ROBO1: variants seen among roughly 807,000 people sequenced by gnomAD.
ROBO1 encodes the protein roundabout homolog 1.
In ROBO1, 149 loss-of-function variants were observed where a neutral mutation model predicts 195.9. The observed-to-expected ratio is 0.76, with a 90% CI of 0.67 to 0.87. The LOEUF (loss-of-function observed/expected upper bound fraction) is 0.87. Among genes scored for constraint, ROBO1 ranks in the 40% least tolerant of loss-of-function variants. The pLI, the probability that ROBO1 is intolerant of heterozygous loss-of-function variation, is 0.00. For missense variants in ROBO1, 1,933 were observed against 2,068.3 expected (o/e 0.93, Z 1.27); for synonymous variants, 816 against 733.2 (o/e 1.11, Z -1.82).
At chr3:78,667,734 G>T in intron 14 of ROBO1, 149 bp downstream of exon 14, 2 of 673,046 alleles carry the variant, frequency 3.0e-6, no homozygotes, top group Non-Finnish European at 2.4e-6. Flanking sequence ...CATTGTGTTT[G>T]TATATTAAAA....
chr3:79,663,561 A>C (rs1946391594), intron 1 of ROBO1, among the ~76,000 whole-genome samples: 1 of 151,998 alleles, frequency 6.6e-6, no homozygotes, highest in Admixed American at 6.6e-5. Context: ...TAGGTTGCCC[A>C]GGCTGGTCTC....
intron 1 of ROBO1, among the ~76,000 whole-genome samples, chr3:79,606,209 A>G (rs1206050717): frequency 6.6e-6 from 1 of 151,918 alleles, no homozygotes; most frequent in Non-Finnish European, 1.5e-5. Flanking sequence ...AAGAAAGACT[A>G]GAGATCTAAT....
intron 1 of ROBO1, among the ~76,000 whole-genome samples, chr3:79,652,551 G>C (rs918019400): frequency 6.6e-6 from 1 of 152,086 alleles, no homozygotes; most frequent in South Asian, 2.1e-4. Context: ...AGAATCTATC[G>C]CACAGGATTT....
intron 29 of ROBO1, 93 bp downstream of exon 29, chr3:78,606,640 C>T (rs1703471444): frequency 1.2e-5 from 16 of 1,311,254 alleles, no homozygotes; most frequent in Non-Finnish European, 1.7e-5. Flanking sequence ...ACTTCTTAAT[C>T]TTACCACTTT....
intron 1 of ROBO1, among the ~76,000 whole-genome samples, chr3:79,591,982 G>T (rs909341262): frequency 6.6e-6 from 1 of 151,714 alleles, no homozygotes; most frequent in African/African-American, 2.4e-5. Context: ...CTTAGCTCTT[G>T]ATGTAAATAA....
At chr3:78,740,942 A>C (rs1327666465) in intron 5 of ROBO1, among the ~76,000 whole-genome samples, 1 of 152,198 alleles carries the variant, frequency 6.6e-6, no homozygotes, top group Non-Finnish European at 1.5e-5. Flanking sequence ...CTAAAACAAA[A>C]GGTTTAATTA....
chr3:79,499,083 C>T (rs1231343550), intron 2 of ROBO1, among the ~76,000 whole-genome samples: 1 of 152,150 alleles, frequency 6.6e-6, no homozygotes, highest in African/African-American at 2.4e-5. Context: ...CAACCTCTGC[C>T]TCTCCGGTTC....
intron 1 of ROBO1, among the ~76,000 whole-genome samples, chr3:79,715,934 T>G (rs373208705): frequency 6.6e-6 from 1 of 152,090 alleles, no homozygotes; most frequent in Non-Finnish European, 1.5e-5. Flanking sequence ...TGAAAATAAC[T>G]CTAAAATATG....
intron 2 of ROBO1, among the ~76,000 whole-genome samples, chr3:79,528,999 A>G (rs958369762): frequency 9.2e-5 from 14 of 152,214 alleles, no homozygotes; most frequent in African/African-American, 3.4e-4. Flanking sequence ...TTTTTACAGC[A>G]TGTACTTGAA....
At chr3:79,437,433 C>G (rs894905918) in intron 2 of ROBO1, among the ~76,000 whole-genome samples, 2 of 151,960 alleles carry the variant, frequency 1.3e-5, no homozygotes, top group Non-Finnish European at 2.9e-5. Flanking sequence ...TACAACCCAA[C>G]ATATATACTC....
intron 4 of ROBO1, among the ~76,000 whole-genome samples, chr3:78,918,904 C>T (rs933072949): frequency 9.2e-5 from 14 of 152,104 alleles, no homozygotes; most frequent in Admixed American, 1.3e-4. Flanking sequence ...ATCTAGGTAA[C>T]CTAATTCTTC....
chr3:79,491,505 T>A (rs1396211271), intron 2 of ROBO1, among the ~76,000 whole-genome samples: 2 of 152,182 alleles, frequency 1.3e-5, no homozygotes, highest in African/African-American at 4.8e-5. Flanking sequence ...TGAATCACTG[T>A]TGTCAGGAAC....
chr3:79,565,224 C>T (rs527682024), intron 2 of ROBO1, among the ~76,000 whole-genome samples: 6 of 151,938 alleles, frequency 3.9e-5, no homozygotes, highest in African/African-American at 1.2e-4. Context: ...GAGAACATTA[C>T]GTTTAAAGAA....
At chr3:79,240,831 T>C (rs554590970) in intron 2 of ROBO1, among the ~76,000 whole-genome samples, 1 of 151,932 alleles carries the variant, frequency 6.6e-6, no homozygotes, top group Non-Finnish European at 1.5e-5. Flanking sequence ...TTTGTAGAGA[T>C]GGGATTTTCT....
At chr3:78,599,630 A>T (rs1368107575) in intron 30 of ROBO1, among the ~76,000 whole-genome samples, 1 of 141,070 alleles carries the variant, frequency 7.1e-6, no homozygotes, top group Admixed American at 7.0e-5. Context: ...GTTTCCTCCA[A>T]CTGGGGAGGT....
At chr3:78,911,281 T>C (rs1381284618) in intron 4 of ROBO1, among the ~76,000 whole-genome samples, 2 of 152,098 alleles carry the variant, frequency 1.3e-5, no homozygotes, top group Non-Finnish European at 2.9e-5. Context: ...TTCACATCTG[T>C]AGTTTTTAAA....
rs147783138 is a variant in ROBO1, at chr3:78,667,490, C to T, written c.1966+393G>A. The stretch of plus-strand genomic sequence containing the variant: ...GCAGTCACCTTGTTGCTATCTAATA[C>T]TAGATCTTATTCATTAGATCTAACT... On this transcript the variant is annotated intron_variant, in intron 14 of 30. Transcript: ENST00000464233. Among the ~76,000 whole-genome samples, 617 of 152,130 alleles carry T rather than the reference C, an allele frequency of 4.1e-3. 2 individuals are homozygous for T. Among genetic ancestry groups the T allele is most frequent in the Non-Finnish European group, 6.4e-3 (432 of 67,992 alleles).
intron 2 of ROBO1, among the ~76,000 whole-genome samples, chr3:79,500,119 C>CTTTTTTTTT (rs57887981): frequency 1.4e-5 from 1 of 72,476 alleles, no homozygotes; most frequent in Non-Finnish European, 2.5e-5. Context: ...TAAGTTTTCT[C>CTTTTTTTTT]TTTTTTTTTT....
intron 3 of ROBO1, among the ~76,000 whole-genome samples, chr3:79,028,141 AT>A (rs1209006388): frequency 6.6e-6 from 1 of 151,980 alleles, no homozygotes; most frequent in Non-Finnish European, 1.5e-5. Context: ...TAAGATTTTA[AT>A]TTTTTTCACA....
Sources: allele counts gnomAD v4.1 joint callset (sites outside exome capture counted in the v4.1 genomes callset), GRCh38; gene constraint gnomAD v4.1.1; transcripts MANE v1.5; gene names NCBI Gene and HGNC (gene_info 2026-07-23, HGNC 2026-07-21).